Variants in EXOC4 observed in about 807,000 individuals in gnomAD.
EXOC4 encodes the protein SEC8-like 1.
Under a neutral mutation model 107.2 loss-of-function variants are expected in EXOC4, and 71 were observed. The observed-to-expected ratio is 0.66, with a 90% CI of 0.55 to 0.81. EXOC4 has a LOEUF of 0.81. Ranked by LOEUF, EXOC4 falls within the 30% of genes least tolerant of loss-of-function variation. The pLI, the probability that EXOC4 is intolerant of heterozygous loss-of-function variation, is 0.00. For synonymous variants in EXOC4, 456 were observed against 441.2 expected, an observed-to-expected ratio of 1.03 and a Z score of -0.42; for missense variants, 1,108 against 1,189.6, an observed-to-expected ratio of 0.93 and a Z score of 1.01.
intron 10 of EXOC4, among the ~76,000 whole-genome samples, chr7:133,664,816 G>C (rs1793775413): frequency 6.6e-6 from 1 of 151,994 alleles, no homozygotes. Context: ...CATGCAAGGT[G>C]GGGATTTTTC....
chr7:133,698,639 A>G (rs1270447069), intron 10 of EXOC4, among the ~76,000 whole-genome samples: 1 of 152,096 alleles, frequency 6.6e-6, no homozygotes, highest in Non-Finnish European at 1.5e-5. Context: ...CACACTACAG[A>G]CTAGACTATA....
chr7:134,025,032 T>G (rs1478390737), intron 17 of EXOC4, among the ~76,000 whole-genome samples: 1 of 152,250 alleles, frequency 6.6e-6, no homozygotes, highest in Non-Finnish European at 1.5e-5. Flanking sequence ...GCTTTGTTTA[T>G]TTCTGCTCCC....
At chr7:133,884,759 G>A (rs564680911) in intron 11 of EXOC4, among the ~76,000 whole-genome samples, 3 of 152,134 alleles carry the variant, frequency 2.0e-5, no homozygotes, top group South Asian at 2.1e-4. Flanking sequence ...CAGAGCATTC[G>A]GCAAACTAAA....
chr7:133,648,168 G>GA (rs757805636), intron 10 of EXOC4, among the ~76,000 whole-genome samples: 19 of 152,142 alleles, frequency 1.2e-4, no homozygotes, highest in Admixed American at 3.9e-4. Context: ...TTATTTAAAA[G>GA]AAAATTGATC....
At chr7:133,269,822 C>A (rs1793822021) in intron 1 of EXOC4, among the ~76,000 whole-genome samples, 1 of 152,090 alleles carries the variant, frequency 6.6e-6, no homozygotes, top group African/African-American at 2.4e-5. Context: ...ATCTGAGAGG[C>A]AGGTTAGTGA....
chr7:134,098,161 C>T, the EXOC4 span, among the ~76,000 whole-genome samples: 6 of 152,282 alleles, frequency 3.9e-5, no homozygotes, highest in East Asian at 9.6e-4. Context: ...GGCTGGATGT[C>T]GGGCAGCTGA....
intron 10 of EXOC4, among the ~76,000 whole-genome samples, chr7:133,693,114 C>T (rs1488340793): frequency 6.6e-6 from 1 of 152,124 alleles, no homozygotes. Flanking sequence ...AAGTGAAGTT[C>T]CACAATAAGC....
chr7:134,078,187 T>C, the EXOC4 span, among the ~76,000 whole-genome samples: 1 of 152,114 alleles, frequency 6.6e-6, no homozygotes, highest in East Asian at 1.9e-4. Flanking sequence ...CCCCCCTTTT[T>C]CATTTATTTG....
intron 17 of EXOC4, among the ~76,000 whole-genome samples, chr7:134,063,181 C>T (rs1033804737): frequency 1.3e-5 from 2 of 152,306 alleles, no homozygotes; most frequent in South Asian, 4.1e-4. Context: ...TCTGCACTCC[C>T]CAGTCTAACC....
At chr7:133,914,675 C>G (rs1799766763) in intron 12 of EXOC4, among the ~76,000 whole-genome samples, 1 of 151,990 alleles carries the variant, frequency 6.6e-6, no homozygotes. Flanking sequence ...TATTTGGAAC[C>G]AGTGTAACTC....
chr7:134,060,448 T>TGGGATGCACTGGGATGTG (rs1796030236), intron 17 of EXOC4, among the ~76,000 whole-genome samples: 1 of 152,232 alleles, frequency 6.6e-6, no homozygotes, highest in African/African-American at 2.4e-5. Flanking sequence ...GTGCATTCAC[T>TGGGATGCACTGGGATGTG]GATCCCATCC....
chr7:133,529,267 C>T (rs1800135865), intron 9 of EXOC4, among the ~76,000 whole-genome samples: 1 of 151,998 alleles, frequency 6.6e-6, no homozygotes, highest in South Asian at 2.1e-4. Flanking sequence ...AAATAAAACC[C>T]TAGTGTAATT....
intron 11 of EXOC4, among the ~76,000 whole-genome samples, chr7:133,889,549 T>A: frequency 7.2e-6 from 1 of 138,186 alleles, no homozygotes; most frequent in Non-Finnish European, 1.6e-5. Flanking sequence ...ATTAGGTATA[T>A]CTCCGAATGC....
chr7:134,068,777 A>G (rs958106224), downstream of EXOC4, among the ~76,000 whole-genome samples: 1 of 152,188 alleles, frequency 6.6e-6, no homozygotes, highest in Non-Finnish European at 1.5e-5. Context: ...TATGTTTCAA[A>G]TAGCTTGGGA....
At chr7:133,654,784 A>G (rs1562893662) in intron 10 of EXOC4, among the ~76,000 whole-genome samples, 1 of 152,182 alleles carries the variant, frequency 6.6e-6, no homozygotes, top group Non-Finnish European at 1.5e-5. Flanking sequence ...GTTATAACCT[A>G]CTACACGCCT....
chr7:133,939,589 T>G (rs1227114516), intron 14 of EXOC4, among the ~76,000 whole-genome samples: 1 of 152,250 alleles, frequency 6.6e-6, no homozygotes, highest in South Asian at 2.1e-4. Context: ...CTTGAACTTC[T>G]GGCTTTAGGT....
intron 10 of EXOC4, among the ~76,000 whole-genome samples, chr7:133,740,662 A>T (rs1795544709): frequency 6.6e-6 from 1 of 152,196 alleles, no homozygotes; most frequent in Non-Finnish European, 1.5e-5. Flanking sequence ...TTGTCCTTCT[A>T]ATTAACACTA....
intron 17 of EXOC4, among the ~76,000 whole-genome samples, chr7:134,053,421 G>A (rs1795844643): frequency 6.6e-6 from 1 of 152,000 alleles, no homozygotes; most frequent in Non-Finnish European, 1.5e-5. Context: ...CAGATGAAGA[G>A]AATAAGGCAC....
At chr7:133,751,601 G>T (rs754789977) in intron 10 of EXOC4, among the ~76,000 whole-genome samples, 1 of 152,224 alleles carries the variant, frequency 6.6e-6, no homozygotes, top group East Asian at 1.9e-4. Flanking sequence ...AAATCTCCAT[G>T]TATAGCAGCA....
Sources: allele counts gnomAD v4.1 joint callset (sites outside exome capture counted in the v4.1 genomes callset), GRCh38; gene constraint gnomAD v4.1.1; transcripts MANE v1.5; gene names NCBI Gene and HGNC (gene_info 2026-07-23, HGNC 2026-07-21).